The following BLTP3A variants were observed in gnomAD, a reference collection of about 807,000 sequenced individuals.
The protein encoded by BLTP3A is ICBP90 binding protein 1.
the BLTP3A span, among the ~76,000 whole-genome samples, chr6:34,814,527 G>T: frequency 1.3e-5 from 2 of 152,194 alleles, no homozygotes; most frequent in Admixed American, 6.5e-5. Context: ...TCCAGCAGAC[G>T]TGCATGCACC....
chr6:34,806,898 G>C, the BLTP3A span, among the ~76,000 whole-genome samples: 4 of 152,304 alleles, frequency 2.6e-5, no homozygotes, highest in African/African-American at 9.6e-5. Context: ...GACCTCAAGT[G>C]ATCCACCTGC....
chr6:34,798,596 T>TTTTTTC, the BLTP3A span, among the ~76,000 whole-genome samples: 2 of 144,164 alleles, frequency 1.4e-5, no homozygotes, highest in Non-Finnish European at 3.1e-5. Context: ...CTTTCTTTCT[T>TTTTTTC]TTTTTTTTTT....
At chr6:34,856,904 G>A in the BLTP3A span, 18 of 1,613,838 alleles carry the variant, frequency 1.1e-5, no homozygotes, top group South Asian at 4.4e-5. Flanking sequence ...ATGGTGGTAC[G>A]GGTGGATGAC....
chr6:34,858,717 T>TA, the BLTP3A span: 13 of 1,614,200 alleles, frequency 8.1e-6, no homozygotes, highest in Non-Finnish European at 9.3e-6. Flanking sequence ...TATCAGGACT[T>TA]ACAGAAGTCA....
the BLTP3A span, among the ~76,000 whole-genome samples, chr6:34,869,239 C>G: frequency 1.3e-5 from 2 of 151,990 alleles, no homozygotes; most frequent in Admixed American, 6.5e-5. Flanking sequence ...TGGCCTCAAG[C>G]GATCTGTCCA....
the BLTP3A span, chr6:34,823,307 C>T: frequency 1.9e-6 from 3 of 1,613,974 alleles, no homozygotes; most frequent in South Asian, 1.1e-5. Context: ...ATCCTCGGCC[C>T]CCCAATGGAC....
the BLTP3A span, among the ~76,000 whole-genome samples, chr6:34,838,699 C>A: frequency 1.3e-5 from 2 of 152,204 alleles, no homozygotes; most frequent in Non-Finnish European, 2.9e-5. Context: ...AATCTCAGAA[C>A]TTTGGAAGGC....
the BLTP3A span, chr6:34,873,822 G>A: frequency 6.6e-6 from 1 of 152,448 alleles, no homozygotes; most frequent in Non-Finnish European, 1.5e-5. Context: ...AGTTTGATGA[G>A]GATAAAAAGA....
chr6:34,853,317 TC>T, the BLTP3A span, among the ~76,000 whole-genome samples: 1 of 151,844 alleles, frequency 6.6e-6, no homozygotes, highest in Non-Finnish European at 1.5e-5. Context: ...AGGCTAGGAC[TC>T]CCGACTGGGA....
the BLTP3A span, among the ~76,000 whole-genome samples, chr6:34,841,972 C>T: frequency 1.3e-5 from 2 of 152,098 alleles, no homozygotes; most frequent in African/African-American, 4.8e-5. Flanking sequence ...ATTCTCTTCC[C>T]ACTAGTTCAC....
chr6:34,802,629 GGGA>G, the BLTP3A span, among the ~76,000 whole-genome samples: 10 of 152,078 alleles, frequency 6.6e-5, no homozygotes, highest in Non-Finnish European at 1.2e-4. Flanking sequence ...CCAAAGTACT[GGGA>G]TTACAGGTGT....
chr6:34,867,080 A>G, the BLTP3A span: 7 of 850,836 alleles, frequency 8.2e-6, no homozygotes, highest in African/African-American at 1.3e-4. Flanking sequence ...AATTCATCAA[A>G]TATCTAGTTA....
chr6:34,845,331 GT>G, the BLTP3A span, among the ~76,000 whole-genome samples: 1 of 151,802 alleles, frequency 6.6e-6, no homozygotes, highest in East Asian at 1.9e-4. Flanking sequence ...TGGCTATTCT[GT>G]TTTTGTTTGT....
chr6:34,859,143 T>C, the BLTP3A span: 1 of 1,613,954 alleles, frequency 6.2e-7, no homozygotes, highest in African/African-American at 1.3e-5. Flanking sequence ...CAGCAAGCCC[T>C]GAGAAGGTCT....
At chr6:34,871,496 T>C in the BLTP3A span, 2 of 1,312,726 alleles carry the variant, frequency 1.5e-6, no homozygotes, top group Admixed American at 1.7e-5. Flanking sequence ...GGCATAAAGC[T>C]GCTTCAAGCT....
the BLTP3A span, among the ~76,000 whole-genome samples, chr6:34,825,461 C>A: frequency 6.6e-6 from 1 of 152,158 alleles, no homozygotes; most frequent in Admixed American, 6.5e-5. Flanking sequence ...GCATGCACCA[C>A]CAGGCCCAGC....
At chr6:34,807,957 C>A in the BLTP3A span, among the ~76,000 whole-genome samples, 42 of 152,180 alleles carry the variant, frequency 2.8e-4, no homozygotes, top group East Asian at 7.3e-3. Flanking sequence ...AGGAGAATCG[C>A]TTGAACCGGG....
chr6:34,860,114 T>A, the BLTP3A span, among the ~76,000 whole-genome samples: 2 of 152,198 alleles, frequency 1.3e-5, no homozygotes, highest in Non-Finnish European at 2.9e-5. Context: ...AGATATCCTA[T>A]ATCTTGTAAA....
At chr6:34,835,301 A>G in the BLTP3A span, 2 of 1,613,910 alleles carry the variant, frequency 1.2e-6, no homozygotes, top group South Asian at 1.1e-5. Flanking sequence ...CAGACCAAAG[A>G]TTGCAATGTG....
Sources: allele counts gnomAD v4.1 joint callset (sites outside exome capture counted in the v4.1 genomes callset), GRCh38; gene constraint gnomAD v4.1.1; transcripts MANE v1.5; gene names NCBI Gene and HGNC (gene_info 2026-07-23, HGNC 2026-07-21).